The following AHDC1 variants were observed in gnomAD, a reference collection of about 807,000 sequenced individuals.
AHDC1 encodes the protein transcription factor Gibbin.
AHDC1 carries 7 observed loss-of-function variants against 87.9 expected under a neutral mutation model. That is an observed-to-expected ratio of 0.08 (90% CI 0.05 to 0.15). The LOEUF (loss-of-function observed/expected upper bound fraction) is 0.15. AHDC1 is among the 10% of genes least tolerant of loss of function. The pLI is 1.00. For missense variants in AHDC1, 1,841 were observed against 2,253.2 expected (o/e 0.82, Z 3.70); for synonymous variants, 1,051 against 1,006.8 (o/e 1.04, Z -0.83).
intron 3 of AHDC1, among the ~76,000 whole-genome samples, chr1:27,568,457 A>T (rs1332903491): frequency 6.6e-6 from 1 of 152,086 alleles, no homozygotes; most frequent in Non-Finnish European, 1.5e-5. Flanking sequence ...TCGCGTGTTC[A>T]GCCTCTCCCA....
chr1:27,553,150 T>G lies in AHDC1; in HGVS notation c.-189A>C, dbSNP rs1305089720. On this transcript the variant is annotated 5_prime_UTR_variant, in exon 6 of 9. Coordinates refer to ENST00000673934, the MANE Select transcript of AHDC1 (RefSeq NM_001371928.1). Reference sequence around the variant, plus strand: ...CAGCTGGGGGTGCTGTGGAGCAACTTCGGCCTGAGCCCAGGCCTCGGGGCG... The same window carrying G: ...CAGCTGGGGGTGCTGTGGAGCAACTGCGGCCTGAGCCCAGGCCTCGGGGCG... 1 of 152,640 alleles carries G rather than the reference T, an allele frequency of 6.6e-6. No homozygotes were observed. Among genetic ancestry groups the G allele is most frequent in the Non-Finnish European group, 1.5e-5 (1 of 68,070 alleles). The allele number at this position is 152,640 out of a possible 1,614,324, so 9.5% of individuals were successfully genotyped here. A position where few individuals can be genotyped will look rare whatever the true frequency, so the allele number is the denominator to read the frequency against.
At position 27,551,669 on chromosome 1, in the gene AHDC1, C is replaced by A; in HGVS notation, c.447G>T (p.Gly149=). ...GTGCAGGCGGGCGGCTCAGTCGGAG[C>A]CCACCACAGTCCAGGTGTACACCAC... ...QHSGVHLDCG[G]LRLSRPPAPP... Residue 149 remains glycine (G), a synonymous_variant, in exon 8 of 9, where the codon GGG becomes GGT. Transcript: ENST00000673934. The A allele has an allele frequency of 6.2e-7, 1 of 1,613,632 alleles. No homozygotes were observed. The highest frequency in any genetic ancestry group is 8.5e-7 in the Non-Finnish European group (1 of 1,179,902).
At chr1:27,546,226 A>G (rs931529336) in intron 8 of AHDC1, among the ~76,000 whole-genome samples, 3 of 152,340 alleles carry the variant, frequency 2.0e-5, no homozygotes, top group African/African-American at 7.2e-5. Flanking sequence ...CTGTTGTCCA[A>G]AAGTGGGGCC....
rs751257495 is a variant in AHDC1 at position 27,547,478 on chromosome 1, C to T, written c.4638G>A (p.Leu1546=). Reference sequence around the variant, plus strand: ...AGTCCCTCGGCACGGGGGACAGGGTCAAGTCACTAAGGAGTGGGCAGCCAT... The same window carrying T: ...AGTCCCTCGGCACGGGGGACAGGGTTAAGTCACTAAGGAGTGGGCAGCCAT... The part of the protein sequence containing the change: ...AGYGCPLLSD[L]TLSPVPRDSL... Residue 1546 remains leucine (L), a synonymous_variant, in exon 8 of 9, where the codon TTG becomes TTA. Transcript: ENST00000673934. The surrounding 1 kb of genome is among the most constrained non-coding windows in gnomAD (Gnocchi z 4.9). 1 of 1,601,700 alleles carries T rather than the reference C, an allele frequency of 6.2e-7. No homozygotes were observed. Among genetic ancestry groups the T allele is most frequent in the Non-Finnish European group, 8.5e-7 (1 of 1,171,310 alleles).
intron 3 of AHDC1, among the ~76,000 whole-genome samples, chr1:27,601,357 T>G (rs1449438922): frequency 1.3e-5 from 2 of 152,214 alleles, no homozygotes; most frequent in Non-Finnish European, 2.9e-5. Context: ...ACCTTGGGCT[T>G]GTGGGTGATT....
Position 27,549,817 on chromosome 1 carries a change from CAGCACCTGCCTCCCCAA to C in AHDC1, c.2282_2298del (p.Phe761Ter), listed in dbSNP as rs1557662828. The C allele has an allele frequency of 6.2e-7, 1 of 1,613,666 alleles. No individual in the cohort carries two copies. Among genetic ancestry groups the C allele is most frequent in the East Asian group, 2.2e-5 (1 of 44,874 alleles). On this transcript the variant is annotated frameshift_variant, in exon 8 of 9. Coordinates refer to ENST00000673934, the MANE Select transcript of AHDC1 (RefSeq NM_001371928.1). LOFTEE classifies it high-confidence loss of function. ...CCACCACCCTTATCCCCGGCCCACT[CAGCACCTGCCTCCCCAA>C]AGCCTGGGCCACTGGGCACCTGCTC...
intron 3 of AHDC1, among the ~76,000 whole-genome samples, chr1:27,597,428 G>A (rs1035182710): frequency 2.6e-5 from 4 of 152,008 alleles, no homozygotes; most frequent in Admixed American, 1.3e-4. Context: ...TGTGACCGTG[G>A]GGGCTGCGTT....
At chr1:27,599,812 G>A (rs1467471656) in intron 3 of AHDC1, among the ~76,000 whole-genome samples, 3 of 152,198 alleles carry the variant, frequency 2.0e-5, no homozygotes, top group South Asian at 4.1e-4. Context: ...GAGGGCAGAA[G>A]GGAGATGCTA....
At chr1:27,554,107 C>T (rs576043610) in intron 5 of AHDC1, among the ~76,000 whole-genome samples, 4 of 152,228 alleles carry the variant, frequency 2.6e-5, no homozygotes, top group South Asian at 2.1e-4. Flanking sequence ...CATGAATGAA[C>T]GCACACAAAT....
At chr1:27,575,262 C>T (rs539597436) in intron 3 of AHDC1, among the ~76,000 whole-genome samples, 37 of 152,064 alleles carry the variant, frequency 2.4e-4, no homozygotes, top group Admixed American at 8.5e-4. Context: ...GATGAGGCCA[C>T]AGAGTTTCTG....
intron 8 of AHDC1, among the ~76,000 whole-genome samples, chr1:27,536,260 G>T (rs1374941948): frequency 6.6e-6 from 1 of 152,222 alleles, no homozygotes; most frequent in Non-Finnish European, 1.5e-5. Context: ...CCTGAGGCTG[G>T]ACTTGCCAGG....
chr1:27,548,506 G>A lies in AHDC1; in HGVS notation c.3610C>T (p.Leu1204=), dbSNP rs201401809. 8 of 1,613,966 alleles carry A rather than the reference G, an allele frequency of 5.0e-6. No homozygotes were observed. Among genetic ancestry groups the A allele is most frequent in the Middle Eastern group, 1.6e-4 (1 of 6,062 alleles). The change falls in exon 8 of 9, where the codon CTG becomes TTG. Residue 1204 remains leucine, a synonymous_variant. Transcript: ENST00000673934. ...GATGCCTCGTTCCAGTCCATCATCA[G>A]TTTCTCCAGGCTGGACAGGCTCGAC... is the stretch of plus-strand genomic sequence containing the variant. ...GQSSLSSLEK[L]MMDWNEASSA...
rs111941243 is a variant in AHDC1 at position 27,548,095 on chromosome 1, A to T, written c.4021T>A (p.Cys1341Ser). The T allele has an allele frequency of 6.2e-7, 1 of 1,613,924 alleles. No homozygotes were observed. Among genetic ancestry groups the T allele is most frequent in the Non-Finnish European group, 8.5e-7 (1 of 1,180,026 alleles). Residue 1341 changes from cysteine (C) to serine (S), a missense_variant, in exon 8 of 9, where the codon TGT becomes AGT. Cys to Ser is a moderately radical substitution (Grantham distance 112). Around this residue, in one of 13 missense-constraint regions of AHDC1, gnomAD observed 505 missense variants for 626.2 expected, o/e 0.81. Transcript: ENST00000673934. ...RAFGVGERDP[C>S]DFIGPYSMNP... ...ATGGAGTAGGGTCCTATGAAGTCACAGGGGTCTCGCTCTCCCACGCCGAAG... is the reference window on the plus strand; with the variant it reads ...ATGGAGTAGGGTCCTATGAAGTCACTGGGGTCTCGCTCTCCCACGCCGAAG...
At chr1:27,567,901 G>C (rs1478172320) in intron 3 of AHDC1, 1 of 152,250 alleles carries the variant, frequency 6.6e-6, no homozygotes, top group Non-Finnish European at 1.5e-5. Context: ...AAGGGCAGAG[G>C]CCTCCTATGG....
chr1:27,551,293 G>A lies in AHDC1; in HGVS notation c.823C>T (p.Leu275Phe). 1.2e-6 allele frequency: 2 copies of A among 1,611,412 alleles called. No individual in the cohort carries two copies. Among genetic ancestry groups the A allele is most frequent in the Non-Finnish European group, 1.7e-6 (2 of 1,179,356 alleles). ...AGGAAGCGGGGCTGGGGGTCCAGGA[G>A]CTGAGGCTCCGGCTCGGGCGATGGT... The part of the protein sequence containing the change: ...EPPSPEPEPQ[L>F]LDPQPRFLDP... Residue 275 changes from leucine (L) to phenylalanine (F), a missense_variant, in exon 8 of 9, where the codon CTC becomes TTC. Around this residue, in one of 13 missense-constraint regions of AHDC1, gnomAD observed 370 missense variants for 391.5 expected, o/e 0.95. Transcript: ENST00000673934.
Position 27,565,112 on chromosome 1 carries a change from G to A in AHDC1, c.-628-6229C>T, listed in dbSNP as rs1423817684. On this transcript the variant is annotated intron_variant, in intron 3 of 8. Coordinates refer to ENST00000673934, the MANE Select transcript of AHDC1 (RefSeq NM_001371928.1). The surrounding 1 kb of genome is among the most constrained non-coding windows in gnomAD (Gnocchi z 4.6). ...CAGCGGCGATCTGGGCGGCTGGCAG[G>A]CATGCTCGCTCCCGCGCAGGGAAGC... Among the ~76,000 whole-genome samples the A allele has an allele frequency of 6.6e-6, 1 of 152,176 alleles. No individual in the cohort carries two copies. Among genetic ancestry groups the A allele is most frequent in the African/African-American group, 2.4e-5 (1 of 41,440 alleles).
chr1:27,572,781 T>G (rs531295356), intron 3 of AHDC1, among the ~76,000 whole-genome samples: 59 of 152,224 alleles, frequency 3.9e-4, no homozygotes, highest in African/African-American at 1.4e-3. Flanking sequence ...TGTTTCTTCC[T>G]CCCTCCCACT....
At chr1:27,600,810 G>A (rs1194064138) in intron 3 of AHDC1, among the ~76,000 whole-genome samples, 1 of 152,162 alleles carries the variant, frequency 6.6e-6, no homozygotes, top group Non-Finnish European at 1.5e-5. Context: ...ACTTAGCTCA[G>A]CAGGGGGTTC....
At chr1:27,542,343 T>TCC (rs1307957195) in intron 8 of AHDC1, among the ~76,000 whole-genome samples, 38 of 152,062 alleles carry the variant, frequency 2.5e-4, no homozygotes, top group Non-Finnish European at 1.2e-4. Context: ...TCACAAAGCC[T>TCC]CCCCCAAGGC....
Sources: allele counts gnomAD v4.1 joint callset (sites outside exome capture counted in the v4.1 genomes callset), GRCh38; gene constraint gnomAD v4.1.1; regional missense constraint gnomAD v4.1.1; non-coding constraint Gnocchi (gnomAD v3.1); transcripts MANE v1.5; gene names NCBI Gene and HGNC (gene_info 2026-07-23, HGNC 2026-07-21).